The following PTPRN2 variants were observed in gnomAD, a reference collection of about 807,000 sequenced individuals.
The protein encoded by PTPRN2 is receptor-type tyrosine-protein phosphatase N2.
A neutral mutation model predicts 118.8 loss-of-function variants in PTPRN2; 74 were observed. The ratio of observed to expected loss-of-function variants is 0.62; its 90% CI spans 0.52 to 0.76. The LOEUF is 0.76. PTPRN2 is among the 30% of genes least tolerant of loss of function. The pLI, the probability that PTPRN2 is intolerant of heterozygous loss-of-function variation, is 0.00. For missense variants in PTPRN2, 1,481 were observed against 1,394.4 expected (o/e 1.06, Z -0.99); for synonymous variants, 641 against 608.0 (o/e 1.05, Z -0.80).
intron 2 of PTPRN2, among the ~76,000 whole-genome samples, chr7:158,454,924 C>G (rs557884193): frequency 3.9e-5 from 6 of 152,174 alleles, no homozygotes; most frequent in Non-Finnish European, 5.9e-5. Flanking sequence ...AGCGACCCCC[C>G]GGGGGCCCCT....
At chr7:158,515,126 G>A (rs1436334319) in intron 1 of PTPRN2, among the ~76,000 whole-genome samples, 2 of 152,084 alleles carry the variant, frequency 1.3e-5, no homozygotes, top group Non-Finnish European at 2.9e-5. Context: ...AGAGAAAGGG[G>A]CAGCCCCGGG....
chr7:157,587,254 A>G lies in PTPRN2; in HGVS notation c.2496+7984T>C, dbSNP rs1019140128. 7.9e-5 allele frequency among the ~76,000 whole-genome samples: 11 copies of G among 139,242 alleles called. No individual in the cohort carries two copies. The East Asian group carries it at 1.1e-3, about 13-fold the overall frequency. The allele number at this position is 139,242 out of a possible 152,430, so 91.3% of individuals were successfully genotyped here. ...GACAGGCAGACAGCGAGACAGGCAG[A>G]CAGACAGGCAGACAAACAGGCAGAC... On this transcript the variant is annotated intron_variant, in intron 17 of 22. Transcript: ENST00000389418. The surrounding 1 kb of genome is among the most constrained non-coding windows in gnomAD (Gnocchi z 5.3).
rs540266901 is a variant in PTPRN2, at chr7:157,905,688, A to G, written c.1724-6951T>C. On this transcript the variant is annotated intron_variant, in intron 11 of 22. Coordinates refer to ENST00000389418, the MANE Select transcript of PTPRN2 (RefSeq NM_002847.5). ...TGGAATAATTTTGCCTACTCTCTTT[A>G]TCCTCGTTATTTTAACCTGAAAGAA... 3.0e-4 allele frequency among the ~76,000 whole-genome samples: 46 copies of G among 152,302 alleles called. No homozygotes were observed. In the South Asian group the frequency reaches 3.9e-3, roughly 13 times the overall value.
chr7:158,324,725 G>T (rs1221069672), intron 2 of PTPRN2, among the ~76,000 whole-genome samples: 1 of 151,950 alleles, frequency 6.6e-6, no homozygotes, highest in African/African-American at 2.4e-5. Flanking sequence ...GCCCCCAGAG[G>T]GTCCTGTTGC....
rs1801791996 is a variant in PTPRN2, at chr7:157,603,298, A to G, written c.2418+704T>C. Among the ~76,000 whole-genome samples the G allele has an allele frequency of 6.6e-6, 1 of 152,098 alleles. No homozygotes were observed. The highest frequency in any genetic ancestry group is 6.5e-5 in the Admixed American group (1 of 15,282). On this transcript the variant is annotated intron_variant, in intron 16 of 22. Coordinates refer to ENST00000389418, the MANE Select transcript of PTPRN2 (RefSeq NM_002847.5). This position sits in a 1 kb window ranked among gnomAD's most constrained non-coding sequence, Gnocchi z 5.4. ...CCCCATTCAGCCCTGCTCCCCCGAC[A>G]GGTCATGACAGGGAAGGGGGATGCC...
At chr7:157,902,120 T>A (rs1584983729) in intron 11 of PTPRN2, among the ~76,000 whole-genome samples, 1 of 152,208 alleles carries the variant, frequency 6.6e-6, no homozygotes, top group Non-Finnish European at 1.5e-5. Context: ...TGCAGCAAGG[T>A]GCATCCTTGG....
chr7:158,498,769 G>A (rs543200839), intron 1 of PTPRN2, among the ~76,000 whole-genome samples: 6 of 152,350 alleles, frequency 3.9e-5, no homozygotes, highest in South Asian at 2.1e-4. Context: ...AGGCTATGCC[G>A]GGGATGAAAT....
intron 12 of PTPRN2, among the ~76,000 whole-genome samples, chr7:157,722,457 G>A (rs1799294529): frequency 6.6e-6 from 1 of 152,190 alleles, no homozygotes; most frequent in African/African-American, 2.4e-5. Flanking sequence ...CCATGTCGGT[G>A]CAGTTGGGAA....
At chr7:157,704,296 G>A (rs1798219600) in intron 12 of PTPRN2, among the ~76,000 whole-genome samples, 1 of 152,148 alleles carries the variant, frequency 6.6e-6, no homozygotes. Flanking sequence ...AGGACAGGGT[G>A]GCATCCACAC....
At chr7:158,584,358 T>G (rs530130031) in intron 1 of PTPRN2, among the ~76,000 whole-genome samples, 7 of 152,250 alleles carry the variant, frequency 4.6e-5, no homozygotes, top group Admixed American at 3.3e-4. Context: ...GAAAAAGCAC[T>G]GAGACCTGCA....
At position 157,819,922 on chromosome 7, in the gene PTPRN2, C is replaced by T. The variant is rs752304507; in HGVS notation, c.1788+78751G>A. Among the ~76,000 whole-genome samples the T allele has an allele frequency of 4.0e-5, 6 of 151,666 alleles. 1 individual carries two copies. Among genetic ancestry groups the T allele is most frequent in the Non-Finnish European group, 7.4e-5 (5 of 67,916 alleles). ...TATGTGCACACACACAACACACCTG[C>T]ACTAGCCCAGGCACTCACACATACA... On this transcript the variant is annotated intron_variant, in intron 12 of 22. Transcript: ENST00000389418.
chr7:157,892,507 C>T lies in PTPRN2; in HGVS notation c.1788+6166G>A, dbSNP rs367911280. Among the ~76,000 whole-genome samples, 34 of 152,212 alleles carry T rather than the reference C, an allele frequency of 2.2e-4. No individual in the cohort carries two copies. The East Asian group carries it at 6.4e-3, about 29-fold the overall frequency. Reference sequence around the variant, plus strand: ...TTTGTTTTGAGATATTTCCATTTGGCTTAAAAGGTTTTAATTCCACTATCT... The same window carrying T: ...TTTGTTTTGAGATATTTCCATTTGGTTTAAAAGGTTTTAATTCCACTATCT... On this transcript the variant is annotated intron_variant, in intron 12 of 22. Transcript: ENST00000389418.
chr7:158,152,200 G>T (rs1821264491), intron 6 of PTPRN2, among the ~76,000 whole-genome samples: 1 of 122,136 alleles, frequency 8.2e-6, no homozygotes, highest in Non-Finnish European at 1.7e-5. Flanking sequence ...AACCATGAAT[G>T]CACAGAATAT....
chr7:158,252,365 G>A (rs56323639), intron 3 of PTPRN2, among the ~76,000 whole-genome samples: 72,077 of 151,948 alleles, frequency 0.47, 17,592 homozygotes, highest in Non-Finnish European at 0.55. Context: ...TGGTGTCACC[G>A]TTCGGATGGC....
chr7:157,568,970 C>G lies in PTPRN2; in HGVS notation c.2838-4G>C. The stretch of plus-strand genomic sequence containing the variant: ...GCCGCTCCGGCCTGCACCGTCACTG[C>G]CAACAGAAGGAGAGAAATGAAAGTG... On this transcript the variant is annotated splice_polypyrimidine_tract_variant and splice_region_variant and intron_variant, in intron 20 of 22. Transcript: ENST00000389418. 1 of 1,560,568 alleles carries G rather than the reference C, an allele frequency of 6.4e-7. No individual in the cohort carries two copies. The highest frequency in any genetic ancestry group is 1.1e-5 in the South Asian group (1 of 89,922).
intron 12 of PTPRN2, among the ~76,000 whole-genome samples, chr7:157,762,354 A>T (rs892044190): frequency 2.6e-5 from 4 of 152,288 alleles, no homozygotes; most frequent in Admixed American, 2.6e-4. Flanking sequence ...CAAATGTCCA[A>T]CAATAATAGA....
intron 2 of PTPRN2, among the ~76,000 whole-genome samples, chr7:158,447,215 C>A (rs750960251): frequency 1.3e-5 from 2 of 152,150 alleles, no homozygotes; most frequent in African/African-American, 2.4e-5. Context: ...CCTAGCTCCC[C>A]AGACAACACT....
At chr7:157,569,253 T>C (rs1339754250) in intron 20 of PTPRN2, among the ~76,000 whole-genome samples, 1 of 152,260 alleles carries the variant, frequency 6.6e-6, no homozygotes, top group Non-Finnish European at 1.5e-5. Flanking sequence ...GCCAAAGATG[T>C]GGTAAATTTT....
chr7:157,604,322 T>C (rs886134826), intron 15 of PTPRN2, among the ~76,000 whole-genome samples: 1 of 152,218 alleles, frequency 6.6e-6, no homozygotes, highest in African/African-American at 2.4e-5. Context: ...CCCTTCTGAA[T>C]GTGGTTTCCA....
Sources: gnomAD v4.1 joint callset for allele counts (sites outside exome capture counted in the v4.1 genomes callset) on GRCh38, gnomAD v4.1.1 for gene constraint, Gnocchi (gnomAD v3.1) non-coding constraint, MANE v1.5 for transcripts, NCBI Gene and HGNC (gene_info 2026-07-23, HGNC 2026-07-21) for gene names.